The following SFMBT2 variants were observed in gnomAD, a reference collection of about 807,000 sequenced individuals.
The protein encoded by SFMBT2 is Scm like with four mbt domains 2, also known as scm-like with four MBT domains protein 2.
A neutral mutation model predicts 110.1 loss-of-function variants in SFMBT2; 38 were observed. That is an observed-to-expected ratio of 0.35 (90% CI 0.27 to 0.45). The LOEUF (loss-of-function observed/expected upper bound fraction) is 0.45. Ranked by LOEUF, SFMBT2 falls within the 20% of genes least tolerant of loss-of-function variation. The pLI, the probability that SFMBT2 is intolerant of heterozygous loss-of-function variation, is 1.00. For synonymous variants in SFMBT2, 425 were observed against 425.4 expected, an observed-to-expected ratio of 1.00 and a Z score of 0.01; for missense variants, 1,011 against 1,094.9, an observed-to-expected ratio of 0.92 and a Z score of 1.08.
intron 1 of SFMBT2, among the ~76,000 whole-genome samples, chr10:7,396,272 G>A (rs1381915729): frequency 2.0e-5 from 3 of 152,224 alleles, no homozygotes; most frequent in African/African-American, 4.8e-5. Flanking sequence ...AAGGCTGACT[G>A]GTATCTCTGA....
At chr10:7,392,219 A>G (rs1341599679) in intron 1 of SFMBT2, among the ~76,000 whole-genome samples, 1 of 152,228 alleles carries the variant, frequency 6.6e-6, no homozygotes, top group African/African-American at 2.4e-5. Context: ...TTGACATTCA[A>G]AAAATAGTAT....
intron 15 of SFMBT2, among the ~76,000 whole-genome samples, chr10:7,190,208 T>C (rs980017975): frequency 3.2e-4 from 48 of 152,358 alleles, no homozygotes; most frequent in African/African-American, 1.1e-3. Flanking sequence ...GTTTGTGTTT[T>C]CTGTATTAGA....
At chr10:7,195,681 C>T (rs568020462) in intron 15 of SFMBT2, among the ~76,000 whole-genome samples, 10 of 152,308 alleles carry the variant, frequency 6.6e-5, no homozygotes, top group African/African-American at 2.4e-4. Flanking sequence ...ATGCCCCAGC[C>T]TTGTTCCTGC....
At chr10:7,183,400 TCA>T (rs1364483613) in intron 16 of SFMBT2, among the ~76,000 whole-genome samples, 2 of 152,134 alleles carry the variant, frequency 1.3e-5, no homozygotes, top group African/African-American at 4.8e-5. Flanking sequence ...GTAAAGGAAG[TCA>T]CAGATCAACA....
chr10:7,171,923 C>T lies in SFMBT2; in HGVS notation c.2387G>A (p.Cys796Tyr). The T allele has an allele frequency of 6.9e-7, 1 of 1,441,764 alleles. No homozygotes were observed. Among genetic ancestry groups the T allele is most frequent in the Non-Finnish European group, 9.1e-7 (1 of 1,100,780 alleles). The allele number at this position is 1,441,764 out of a possible 1,614,324, so 89.3% of individuals were successfully genotyped here. Residue 796 changes from cysteine to tyrosine, a missense_variant, in exon 19 of 21, where the codon TGC (cysteine) becomes TAC (tyrosine). Transcript: ENST00000397167. This position sits in a 1 kb window ranked among gnomAD's most constrained non-coding sequence, Gnocchi z 4.9. ...TGTCCCCTCGGGCTTGGTCGGCGGG[C>T]ACTTCTCCCCTTCCTCTGCTGAGGA... Reference protein sequence around the residue: ...AASSAEEGEKCPPTKPEGTED... With the variant: ...AASSAEEGEKYPPTKPEGTED...
rs1236108777 is a variant in SFMBT2, at chr10:7,170,359, A to G, written c.2544+569T>C. 1.3e-5 allele frequency among the ~76,000 whole-genome samples: 2 copies of G among 152,204 alleles called. No homozygotes were observed. The highest frequency in any genetic ancestry group is 2.9e-5 in the Non-Finnish European group (2 of 68,032). ...TGGCCAAGGGGTGGCCCAGCAAGAC[A>G]AAAAACCGTGAGACAGCAGCATCTC... On this transcript the variant is annotated intron_variant, in intron 20 of 20. Transcript: ENST00000397167. The surrounding 1 kb of genome is among the most constrained non-coding windows in gnomAD (Gnocchi z 4.6).
intron 4 of SFMBT2, among the ~76,000 whole-genome samples, chr10:7,326,467 C>A (rs1255502360): frequency 6.6e-6 from 1 of 152,212 alleles, no homozygotes; most frequent in Non-Finnish European, 1.5e-5. Context: ...CAAAAGCAGA[C>A]CCTGGAGATC....
rs757815393 is a variant in SFMBT2 at position 7,171,138 on chromosome 10, G to A, written c.2416-82C>T. On this transcript the variant is annotated intron_variant, in intron 19 of 20. Coordinates refer to ENST00000397167, the MANE Select transcript of SFMBT2 (RefSeq NM_001387889.1). This position sits in a 1 kb window ranked among gnomAD's most constrained non-coding sequence, Gnocchi z 4.9. The stretch of plus-strand genomic sequence containing the variant: ...CTCCAGCACTCTCCAGGCCTCGGCC[G>A]TTCCTGGCCGGAAGCCACTGCCTCC... The A allele has an allele frequency of 1.3e-5, 20 of 1,594,548 alleles. No individual in the cohort carries two copies. Among genetic ancestry groups the A allele is most frequent in the South Asian group, 6.6e-5 (6 of 90,542 alleles).
At chr10:7,323,969 T>TTTTTTAATTCCATTTAACATTTTAA (rs1843287121) in intron 4 of SFMBT2, among the ~76,000 whole-genome samples, 1 of 152,238 alleles carries the variant, frequency 6.6e-6, no homozygotes, top group African/African-American at 2.4e-5. Flanking sequence ...AATGGAATTC[T>TTTTTTAATTCCATTTAACATTTTAA]ATATGGCTAT....
intron 4 of SFMBT2, among the ~76,000 whole-genome samples, chr10:7,291,630 T>C (rs966804556): frequency 6.6e-6 from 1 of 152,126 alleles, no homozygotes; most frequent in Non-Finnish European, 1.5e-5. Flanking sequence ...GCATCATACT[T>C]AAATATGAAA....
intron 12 of SFMBT2, chr10:7,205,401 T>C (rs1839096479): frequency 1.0e-6 from 1 of 984,968 alleles, no homozygotes; most frequent in South Asian, 4.7e-5. Flanking sequence ...TGGTTAAGTG[T>C]TTATAAGAAT....
intron 4 of SFMBT2, among the ~76,000 whole-genome samples, chr10:7,308,505 G>A (rs539369882): frequency 6.6e-6 from 1 of 152,210 alleles, no homozygotes; most frequent in Non-Finnish European, 1.5e-5. Flanking sequence ...TATAAGGAAG[G>A]GTTGAAAATG....
rs927977114 is a variant in SFMBT2 at position 7,172,848 on chromosome 10, C to T, written c.1985-187G>A. ...CAAAGCTTCAGGTCTGGAAGGTGTT[C>T]GGGCTGAACTTGGCCCGTCCCCAGT... On this transcript the variant is annotated intron_variant, in intron 17 of 20. Coordinates refer to ENST00000397167, the MANE Select transcript of SFMBT2 (RefSeq NM_001387889.1). This position sits in a 1 kb window ranked among gnomAD's most constrained non-coding sequence, Gnocchi z 4.6. Among the ~76,000 whole-genome samples the T allele has an allele frequency of 1.3e-5, 2 of 152,184 alleles. No homozygotes were observed. The highest frequency in any genetic ancestry group is 2.4e-5 in the African/African-American group (1 of 41,430).
chr10:7,323,236 C>A (rs891129848), intron 4 of SFMBT2, among the ~76,000 whole-genome samples: 1 of 151,952 alleles, frequency 6.6e-6, no homozygotes, highest in South Asian at 2.1e-4. Flanking sequence ...GGTTGGTCAC[C>A]TGAGTTTGGG....
chr10:7,393,039 T>TA (rs1845825407), intron 1 of SFMBT2, among the ~76,000 whole-genome samples: 1 of 125,316 alleles, frequency 8.0e-6, no homozygotes, highest in African/African-American at 3.0e-5. Context: ...ATATATAATT[T>TA]TTTTTTTTTT....
rs182487600 is a variant in SFMBT2, at chr10:7,276,372, T to C, written c.870+520A>G. 2.8e-4 allele frequency among the ~76,000 whole-genome samples: 42 copies of C among 152,290 alleles called. No homozygotes were observed. In the East Asian group the frequency reaches 8.1e-3, roughly 29 times the overall value. On this transcript the variant is annotated intron_variant, in intron 7 of 20. Transcript: ENST00000397167. ...CCATAACAATATGCTACAAAGAAAG[T>C]CAGTAAACCTAAACAATTTTAATCA...
chr10:7,320,310 C>T (rs534805316), intron 4 of SFMBT2, among the ~76,000 whole-genome samples: 5 of 152,306 alleles, frequency 3.3e-5, no homozygotes, highest in South Asian at 2.1e-4. Flanking sequence ...CCTCAAAGTA[C>T]TTCCAATCAT....
At chr10:7,350,944 G>A (rs893631149) in intron 4 of SFMBT2, among the ~76,000 whole-genome samples, 1 of 152,186 alleles carries the variant, frequency 6.6e-6, no homozygotes, top group Non-Finnish European at 1.5e-5. Context: ...TGTGGATGGG[G>A]CTATCCGCTC....
chr10:7,346,988 TCAAAACAAAACAAAACAAAA>T (rs71515471), intron 4 of SFMBT2, among the ~76,000 whole-genome samples: 5 of 150,256 alleles, frequency 3.3e-5, no homozygotes, highest in Non-Finnish European at 5.9e-5. Context: ...AGACTCTGTC[TCAAAACAAAACAAAACAAAA>T]CAAAACAAAA....
Sources: gnomAD v4.1 joint callset for allele counts (sites outside exome capture counted in the v4.1 genomes callset) on GRCh38, gnomAD v4.1.1 for gene constraint, Gnocchi (gnomAD v3.1) non-coding constraint, MANE v1.5 for transcripts, NCBI Gene and HGNC (gene_info 2026-07-23, HGNC 2026-07-21) for gene names.